Variants in KIAA1217 observed in about 807,000 individuals in gnomAD.
KIAA1217 encodes the protein KIAA1217.
A neutral mutation model predicts 163.9 loss-of-function variants in KIAA1217; 88 were observed. The ratio of observed to expected loss-of-function variants is 0.54; its 90% confidence interval spans 0.45 to 0.64. The LOEUF (loss-of-function observed/expected upper bound fraction) is 0.64. Among genes scored for constraint, KIAA1217 ranks in the 30% least tolerant of loss-of-function variants. The pLI is 0.00. For synonymous variants in KIAA1217, 903 were observed against 923.1 expected (o/e 0.98, Z 0.39); for missense variants, 2,372 against 2,475.0 (o/e 0.96, Z 0.88).
intron 2 of KIAA1217, among the ~76,000 whole-genome samples, chr10:24,070,787 G>GA (rs1339115188): frequency 2.0e-5 from 3 of 151,950 alleles, no homozygotes; most frequent in East Asian, 1.9e-4. Flanking sequence ...GAAAGGTTGC[G>GA]AAAAGGGGAA....
intron 2 of KIAA1217, among the ~76,000 whole-genome samples, chr10:24,197,913 C>T (rs926957533): frequency 3.3e-5 from 5 of 152,172 alleles, no homozygotes; most frequent in Non-Finnish European, 5.9e-5. Context: ...TCCTGGTGCG[C>T]GGAATGCATG....
intron 1 of KIAA1217, among the ~76,000 whole-genome samples, chr10:23,963,635 A>G (rs901982837): frequency 6.6e-6 from 1 of 152,158 alleles, no homozygotes; most frequent in Non-Finnish European, 1.5e-5. Context: ...ATACCCAGTA[A>G]TGGGATTGCT....
chr10:24,299,521 C>T (rs2041042448), intron 2 of KIAA1217, among the ~76,000 whole-genome samples: 1 of 152,228 alleles, frequency 6.6e-6, no homozygotes, highest in Non-Finnish European at 1.5e-5. Context: ...ACCTCAGCCT[C>T]CCAAGTAGCT....
intron 1 of KIAA1217, among the ~76,000 whole-genome samples, chr10:23,813,953 G>A (rs564950290): frequency 7.2e-5 from 11 of 152,238 alleles, no homozygotes; most frequent in African/African-American, 1.7e-4. Context: ...TGCTGAGCCC[G>A]TAGCTGTCAA....
chr10:24,006,034 C>G (rs1428256899), intron 1 of KIAA1217, among the ~76,000 whole-genome samples: 1 of 152,180 alleles, frequency 6.6e-6, no homozygotes, highest in African/African-American at 2.4e-5. Flanking sequence ...CTACTCATCT[C>G]TCCTGTGTTA....
At chr10:24,166,449 A>T (rs927561994) in intron 2 of KIAA1217, among the ~76,000 whole-genome samples, 11 of 152,150 alleles carry the variant, frequency 7.2e-5, no homozygotes, top group Admixed American at 6.5e-5. Flanking sequence ...GTATATTTCA[A>T]AATAGGGGCC....
intron 2 of KIAA1217, among the ~76,000 whole-genome samples, chr10:24,081,455 C>A (rs1171204183): frequency 6.6e-6 from 1 of 152,116 alleles, no homozygotes; most frequent in Non-Finnish European, 1.5e-5. Flanking sequence ...TGGGATGGCA[C>A]CTGCTGAGGA....
chr10:23,844,150 C>T (rs1277664419), intron 1 of KIAA1217, among the ~76,000 whole-genome samples: 9 of 152,072 alleles, frequency 5.9e-5, no homozygotes, highest in Admixed American at 3.3e-4. Flanking sequence ...TATAAAGGAA[C>T]CCAGTGTTAC....
chr10:24,002,802 C>A (rs889714594), intron 1 of KIAA1217, among the ~76,000 whole-genome samples: 2 of 152,120 alleles, frequency 1.3e-5, no homozygotes, highest in Non-Finnish European at 2.9e-5. Context: ...CCTCACCCCC[C>A]TCACACCCTT....
rs531183908 is a variant in KIAA1217 at position 24,417,294 on chromosome 10, G to T, written c.554-15701G>T. ...GCTGAGAGCCTGCCTCACCCTCCCT[G>T]GCTGGCCGTATTTCCAACTTTGTTG... is the stretch of plus-strand genomic sequence containing the variant. On this transcript the variant is annotated intron_variant, in intron 3 of 20. Transcript: ENST00000376454. 4.6e-5 allele frequency among the ~76,000 whole-genome samples: 7 copies of T among 152,230 alleles called. No homozygotes were observed. In the South Asian group the frequency reaches 1.5e-3, roughly 32 times the overall value.
At chr10:24,140,499 G>A (rs2064017902) in intron 2 of KIAA1217, among the ~76,000 whole-genome samples, 1 of 152,212 alleles carries the variant, frequency 6.6e-6, no homozygotes, top group East Asian at 1.9e-4. Flanking sequence ...ATACATGACA[G>A]TCGATCTGAT....
chr10:24,141,142 C>T lies in KIAA1217; in HGVS notation c.-170-78484C>T, dbSNP rs148794023. 4.9e-3 allele frequency among the ~76,000 whole-genome samples: 746 copies of T among 150,928 alleles called. 5 individuals are homozygous for T. The highest frequency in any genetic ancestry group is 0.011 in the Admixed American group (161 of 15,092). ...ACTCAGCTCAAAAGGGTACTGGTGC[C>T]AATAGAGACACCCTAAGGAGAATCC... On this transcript the variant is annotated intron_variant, in intron 2 of 18. Coordinates refer to the KIAA1217 transcript ENST00000376462.
At chr10:24,414,834 G>A (rs1435854368) in intron 3 of KIAA1217, among the ~76,000 whole-genome samples, 1 of 152,218 alleles carries the variant, frequency 6.6e-6, no homozygotes, top group African/African-American at 2.4e-5. Context: ...TTAAAAGGCA[G>A]CGCCAGAACT....
chr10:24,305,070 T>A (rs1439485290), intron 2 of KIAA1217, among the ~76,000 whole-genome samples: 1 of 152,214 alleles, frequency 6.6e-6, no homozygotes, highest in African/African-American at 2.4e-5. Context: ...CAAAAGATGA[T>A]GAAGGTCTCA....
At chr10:24,525,645 A>C (rs909765411) in intron 13 of KIAA1217, among the ~76,000 whole-genome samples, 12 of 152,302 alleles carry the variant, frequency 7.9e-5, no homozygotes, top group Admixed American at 3.3e-4. Flanking sequence ...GTCATCTAAG[A>C]ATGAACGGTA....
intron 2 of KIAA1217, among the ~76,000 whole-genome samples, chr10:24,088,984 G>A (rs1042677040): frequency 8.0e-6 from 1 of 124,886 alleles, no homozygotes; most frequent in African/African-American, 2.5e-5. Context: ...AATGATTGCT[G>A]TTCTAACTAG....
chr10:24,264,984 G>A (rs1298714488), intron 2 of KIAA1217, among the ~76,000 whole-genome samples: 2 of 152,092 alleles, frequency 1.3e-5, no homozygotes, highest in Middle Eastern at 6.8e-3. Context: ...CTGAGTAGCT[G>A]GGACTACAAG....
At chr10:23,928,296 A>T (rs1843114181) in intron 1 of KIAA1217, among the ~76,000 whole-genome samples, 1 of 152,196 alleles carries the variant, frequency 6.6e-6, no homozygotes, top group Admixed American at 6.5e-5. Context: ...TTGAAAGCAA[A>T]TCACATATTC....
At position 24,131,584 on chromosome 10, in the gene KIAA1217, C is replaced by T. The variant is rs116785443; in HGVS notation, c.-170-88042C>T. On this transcript the variant is annotated intron_variant, in intron 2 of 18. Coordinates refer to the KIAA1217 transcript ENST00000376462. The stretch of plus-strand genomic sequence containing the variant: ...TAAGTTAGCGTCCCATAATTATGCC[C>T]GCTGTACATCTTTATATCCCATAAC... Among the ~76,000 whole-genome samples the T allele has an allele frequency of 7.1e-3, 1,082 of 152,148 alleles. 14 individuals are homozygous for T. The highest frequency in any genetic ancestry group is 0.025 in the African/African-American group (1,031 of 41,524).
Sources: gnomAD v4.1 joint callset for allele counts (sites outside exome capture counted in the v4.1 genomes callset) on GRCh38, gnomAD v4.1.1 for gene constraint, MANE v1.5 for transcripts, NCBI Gene and HGNC (gene_info 2026-07-23, HGNC 2026-07-21) for gene names.